The following SLC25A21 variants were observed in gnomAD, a reference collection of about 807,000 sequenced individuals.
SLC25A21 encodes solute carrier family 25 member 21.
A neutral mutation model predicts 43.8 loss-of-function variants in SLC25A21; 47 were observed. The ratio of observed to expected loss-of-function variants is 1.07; its 90% CI spans 0.85 to 1.37. SLC25A21 has a LOEUF of 1.37. Ranked by LOEUF, SLC25A21 falls within the 40% of genes most tolerant of loss-of-function variation. SLC25A21 has a pLI of 0.00. For missense variants in SLC25A21, 352 were observed against 350.2 expected, an observed-to-expected ratio of 1.00 and a Z score of -0.04; for synonymous variants, 131 against 121.3, an observed-to-expected ratio of 1.08 and a Z score of -0.52.
chr14:37,063,522 G>A (rs537450340), intron 1 of SLC25A21, among the ~76,000 whole-genome samples: 1 of 151,794 alleles, frequency 6.6e-6, no homozygotes, highest in Non-Finnish European at 1.5e-5. Context: ...GGGTATCCTT[G>A]AGCACAGAGA....
intron 1 of SLC25A21, among the ~76,000 whole-genome samples, chr14:37,045,150 A>C (rs941249038): frequency 6.6e-6 from 1 of 152,178 alleles, no homozygotes; most frequent in African/African-American, 2.4e-5. Context: ...AAGTTACATG[A>C]TTCTAAAATA....
chr14:36,955,762 G>A (rs1429693856), intron 1 of SLC25A21, among the ~76,000 whole-genome samples: 1 of 151,986 alleles, frequency 6.6e-6, no homozygotes, highest in Non-Finnish European at 1.5e-5. Flanking sequence ...TCATTGAAGA[G>A]AGTAATTCAT....
At chr14:37,037,044 C>T (rs921118289) in intron 1 of SLC25A21, among the ~76,000 whole-genome samples, 16 of 152,120 alleles carry the variant, frequency 1.1e-4, no homozygotes, top group African/African-American at 3.9e-4. Context: ...TTACAATGTG[C>T]CCTGGTACAT....
chr14:36,695,931 C>T (rs1883002200), intron 7 of SLC25A21, among the ~76,000 whole-genome samples: 1 of 152,214 alleles, frequency 6.6e-6, no homozygotes, highest in Admixed American at 6.5e-5. Flanking sequence ...CTGGTCAGAA[C>T]TTCCAACACT....
chr14:36,680,403 A>G lies in SLC25A21; in HGVS notation c.*255T>C. ...TTTATGAAATAAATATATGATTTCT[A>G]TGCTATTTTTCTATATTCACTTTAA... On this transcript the variant is annotated 3_prime_UTR_variant, in exon 10 of 10. Transcript: ENST00000331299. 9.0e-7 allele frequency: 1 copy of G among 1,105,192 alleles called. No homozygotes were observed. The highest frequency in any genetic ancestry group is 1.6e-5 in the African/African-American group (1 of 61,462). The allele number at this position is 1,105,192 out of a possible 1,614,324, so 68.5% of individuals were successfully genotyped here.
intron 1 of SLC25A21, 89 bp from the exon 2 acceptor site, chr14:36,875,093 T>A: frequency 9.3e-7 from 1 of 1,070,676 alleles, no homozygotes; most frequent in South Asian, 1.5e-5. Flanking sequence ...AGTGTGAGGG[T>A]TCAGATAAAG....
chr14:36,977,945 T>A (rs1959918421), intron 1 of SLC25A21, among the ~76,000 whole-genome samples: 1 of 134,796 alleles, frequency 7.4e-6, no homozygotes, highest in South Asian at 2.4e-4. Flanking sequence ...CAAAGCTTTT[T>A]TTTTTTTTTA....
intron 2 of SLC25A21, among the ~76,000 whole-genome samples, chr14:36,864,447 T>C (rs551734279): frequency 6.6e-6 from 1 of 152,330 alleles, no homozygotes; most frequent in East Asian, 1.9e-4. Context: ...AATGACTGCA[T>C]GGAAAAGAAT....
intron 1 of SLC25A21, among the ~76,000 whole-genome samples, chr14:37,086,129 A>AG (rs1466879364): frequency 1.3e-5 from 2 of 152,036 alleles, no homozygotes; most frequent in Non-Finnish European, 2.9e-5. Flanking sequence ...AACTTGACAA[A>AG]TTTTTATAGA....
chr14:36,931,394 AAGG>A (rs1466772417), intron 1 of SLC25A21, among the ~76,000 whole-genome samples: 1 of 152,114 alleles, frequency 6.6e-6, no homozygotes, highest in African/African-American at 2.4e-5. Context: ...GTCCTAGCAG[AAGG>A]AGAAGTCTTT....
At chr14:36,799,722 T>G (rs1887801721) in intron 3 of SLC25A21, among the ~76,000 whole-genome samples, 1 of 152,160 alleles carries the variant, frequency 6.6e-6, no homozygotes, top group African/African-American at 2.4e-5. Flanking sequence ...TTGGACAAGT[T>G]ACACAAACAT....
At chr14:36,899,119 G>A (rs1891331708) in intron 1 of SLC25A21, among the ~76,000 whole-genome samples, 1 of 152,144 alleles carries the variant, frequency 6.6e-6, no homozygotes, top group South Asian at 2.1e-4. Context: ...GTTGGGTATG[G>A]TGGCTCATGC....
intron 1 of SLC25A21, among the ~76,000 whole-genome samples, chr14:37,024,056 A>G (rs563851546): frequency 6.6e-6 from 1 of 152,246 alleles, no homozygotes; most frequent in South Asian, 2.1e-4. Flanking sequence ...TCAACAGAGG[A>G]CAGCAGTGAA....
intron 1 of SLC25A21, among the ~76,000 whole-genome samples, chr14:37,026,934 C>A (rs1192715422): frequency 6.6e-6 from 1 of 152,068 alleles, no homozygotes; most frequent in Non-Finnish European, 1.5e-5. Flanking sequence ...TTAAAGACTA[C>A]ATACAGACTT....
At chr14:37,146,991 T>C (rs927021682) in intron 1 of SLC25A21, among the ~76,000 whole-genome samples, 9 of 152,190 alleles carry the variant, frequency 5.9e-5, no homozygotes, top group African/African-American at 2.2e-4. Flanking sequence ...CAACTCTGGT[T>C]TGCACTTGCC....
intron 1 of SLC25A21, among the ~76,000 whole-genome samples, chr14:37,063,179 G>T (rs1262609884): frequency 6.6e-6 from 1 of 152,048 alleles, no homozygotes; most frequent in Non-Finnish European, 1.5e-5. Flanking sequence ...CTCACAACAC[G>T]TGGGGATTAT....
At chr14:36,969,330 C>T (rs1959696702) in intron 1 of SLC25A21, among the ~76,000 whole-genome samples, 1 of 152,102 alleles carries the variant, frequency 6.6e-6, no homozygotes, top group Admixed American at 6.6e-5. Flanking sequence ...GAGCCTGGTC[C>T]TCCCATGGAC....
chr14:36,775,904 AT>A (rs1886802015), intron 3 of SLC25A21, among the ~76,000 whole-genome samples: 1 of 152,100 alleles, frequency 6.6e-6, no homozygotes, highest in Admixed American at 6.5e-5. Context: ...CCACTACCTC[AT>A]TTTTGCAACC....
intron 7 of SLC25A21, among the ~76,000 whole-genome samples, chr14:36,689,035 G>A (rs542330602): frequency 1.3e-5 from 2 of 152,156 alleles, no homozygotes; most frequent in South Asian, 4.1e-4. Flanking sequence ...CCGTTTTCAC[G>A]CTGCTGATAA....
Sources: gnomAD v4.1 joint callset for allele counts (sites outside exome capture counted in the v4.1 genomes callset) on GRCh38, gnomAD v4.1.1 for gene constraint, MANE v1.5 for transcripts, NCBI Gene and HGNC (gene_info 2026-07-23, HGNC 2026-07-21) for gene names.